The following ZC2HC1B variants were observed in gnomAD, a reference collection of about 807,000 sequenced individuals.
ZC2HC1B encodes zinc finger C2HC domain-containing protein 1B.
A neutral mutation model predicts 31.0 loss-of-function variants in ZC2HC1B; 36 were observed. That is an observed-to-expected ratio of 1.16 (90% CI 0.89 to 1.54). The LOEUF is 1.54. Ranked by LOEUF, ZC2HC1B falls within the 40% of genes most tolerant of loss-of-function variation. ZC2HC1B has a pLI of 0.00. For synonymous variants in ZC2HC1B, 73 were observed against 88.0 expected, an observed-to-expected ratio of 0.83 and a Z score of 0.95; for missense variants, 260 against 268.6, an observed-to-expected ratio of 0.97 and a Z score of 0.22.
At chr6:143,904,019 C>A (rs1446259241) in intron 6 of ZC2HC1B, among the ~76,000 whole-genome samples, 1 of 152,134 alleles carries the variant, frequency 6.6e-6, no homozygotes, top group Admixed American at 6.6e-5. Context: ...AAGGCAGAAC[C>A]ATAGGAGCCA....
rs139447180 is a variant in ZC2HC1B, at chr6:143,899,127, A to G, written c.489+436A>G. Among the ~76,000 whole-genome samples the G allele has an allele frequency of 5.4e-4, 82 of 152,304 alleles. 1 individual carries two copies. Among genetic ancestry groups the G allele is most frequent in the African/African-American group, 1.8e-3 (75 of 41,578 alleles). ...GGGTCTTCACCTTTTATTTAAAGTC[A>G]CAGAATCAGCAAGTTAAAGGGATAT... is the stretch of plus-strand genomic sequence containing the variant. On this transcript the variant is annotated intron_variant, in intron 5 of 7. Transcript: ENST00000237275. This position sits in a 1 kb window ranked among gnomAD's most constrained non-coding sequence, Gnocchi z 5.0.
In ZC2HC1B at chr6:143,937,654, G is replaced by T. The variant is rs898998008; in HGVS notation, c.604G>T (p.Ala202Ser). The change falls in exon 7 of 8, where the codon GCT becomes TCT. Residue 202 changes from alanine (A) to serine (S), a missense_variant. Physicochemically the swap from Ala to Ser is moderately conservative, Grantham distance 99. Coordinates refer to ENST00000237275, the MANE Select transcript of ZC2HC1B (RefSeq NM_001013623.3). ...TNEVPTKSGL[A>S]MDPASGAKLR... is the part of the protein sequence containing the mutation. ...ATCTGTTTATGTTTGCAAAGGATTA[G>T]CTATGGACCCTGCTTCTGGAGCAAA... 3.2e-6 allele frequency: 5 copies of T among 1,550,470 alleles called. No homozygotes were observed. Among genetic ancestry groups the T allele is most frequent in the Non-Finnish European group, 4.4e-6 (5 of 1,146,628 alleles).
At chr6:143,909,707 A>C in intron 6 of ZC2HC1B, among the ~76,000 whole-genome samples, 1 of 151,872 alleles carries the variant, frequency 6.6e-6, no homozygotes, top group East Asian at 1.9e-4. Context: ...AGGGTTGTTT[A>C]TAGTATTCTC....
At chr6:143,901,819 A>G (rs1246145692) in intron 5 of ZC2HC1B, among the ~76,000 whole-genome samples, 1 of 152,094 alleles carries the variant, frequency 6.6e-6, no homozygotes, top group Non-Finnish European at 1.5e-5. Flanking sequence ...TTGGAGGAAT[A>G]TGACTACTTT....
chr6:143,933,620 C>A lies in ZC2HC1B; in HGVS notation c.599-4029C>A, dbSNP rs1778147372. Among the ~76,000 whole-genome samples, 1 of 152,094 alleles carries A rather than the reference C, an allele frequency of 6.6e-6. No individual in the cohort carries two copies. The highest frequency in any genetic ancestry group is 2.4e-5 in the African/African-American group (1 of 41,408). The stretch of plus-strand genomic sequence containing the variant: ...CAGGGAAGTGGGCGAAAGCTGGTAG[C>A]AACAGGCCTCACCCAGCTCCCACAC... On this transcript the variant is annotated intron_variant, in intron 6 of 7. Transcript: ENST00000237275. The surrounding 1 kb of genome is among the most constrained non-coding windows in gnomAD (Gnocchi z 6.4).
intron 1 of ZC2HC1B, among the ~76,000 whole-genome samples, chr6:143,877,740 G>A (rs1369801026): frequency 6.6e-6 from 1 of 150,522 alleles, no homozygotes; most frequent in African/African-American, 2.5e-5. Flanking sequence ...TAATGAACAA[G>A]TGAGCAGTAT....
At chr6:143,926,904 G>A (rs1428250046) in intron 6 of ZC2HC1B, among the ~76,000 whole-genome samples, 11 of 127,832 alleles carry the variant, frequency 8.6e-5, no homozygotes, top group South Asian at 2.7e-4. Context: ...TCCGCTTCCC[G>A]GGTTCACGCC....
chr6:143,886,413 C>T lies in ZC2HC1B; in HGVS notation c.210+262C>T, dbSNP rs960142372. On this transcript the variant is annotated intron_variant, in intron 3 of 7. Coordinates refer to ENST00000237275, the MANE Select transcript of ZC2HC1B (RefSeq NM_001013623.3). This position sits in a 1 kb window ranked among gnomAD's most constrained non-coding sequence, Gnocchi z 4.2. ...CTAGCAATTAACCTGAGAAGAAAGT[C>T]ACTTTTAATCTACATTTGCTTTTCT... Among the ~76,000 whole-genome samples the T allele has an allele frequency of 6.6e-6, 1 of 152,144 alleles. No individual in the cohort carries two copies. The highest frequency in any genetic ancestry group is 1.5e-5 in the Non-Finnish European group (1 of 68,024).
In ZC2HC1B at chr6:143,868,209, T is replaced by C. The variant is rs1237823710; in HGVS notation, c.28+3642T>C. Among the ~76,000 whole-genome samples, 1 of 152,174 alleles carries C rather than the reference T, an allele frequency of 6.6e-6. No individual in the cohort carries two copies. Among genetic ancestry groups the C allele is most frequent in the Non-Finnish European group, 1.5e-5 (1 of 68,036 alleles). The stretch of plus-strand genomic sequence containing the variant: ...GTTCTGAAACTTCCATTTTACTGAG[T>C]CTTTTAAATCAGAAGGTGTATTAGG... On this transcript the variant is annotated intron_variant, in intron 1 of 7. Coordinates refer to ENST00000237275, the MANE Select transcript of ZC2HC1B (RefSeq NM_001013623.3). The surrounding 1 kb of genome is among the most constrained non-coding windows in gnomAD (Gnocchi z 4.2).
In ZC2HC1B at chr6:143,921,287, C is replaced by T. The variant is rs1777984286; in HGVS notation, c.599-16362C>T. ...GTAATTATTTCCACATAGCATTTAT[C>T]ACCATCTAATATTCAATATATATTT... On this transcript the variant is annotated intron_variant, in intron 6 of 7. Transcript: ENST00000237275. The surrounding 1 kb of genome is among the most constrained non-coding windows in gnomAD (Gnocchi z 6.1). Among the ~76,000 whole-genome samples, 2 of 152,208 alleles carry T rather than the reference C, an allele frequency of 1.3e-5. No individual in the cohort carries two copies. The highest frequency in any genetic ancestry group is 1.3e-4 in the Admixed American group (2 of 15,280).
chr6:143,917,722 A>G lies in ZC2HC1B; in HGVS notation c.598+14570A>G, dbSNP rs1562346487. 6.6e-6 allele frequency among the ~76,000 whole-genome samples: 1 copy of G among 152,194 alleles called. No homozygotes were observed. The highest frequency in any genetic ancestry group is 1.5e-5 in the Non-Finnish European group (1 of 68,034). ...TGTTCAACCAGTAAGTATAATGCAA[A>G]TATTCCAAAATTTAAAAAAAAATCT... On this transcript the variant is annotated intron_variant, in intron 6 of 7. Coordinates refer to ENST00000237275, the MANE Select transcript of ZC2HC1B (RefSeq NM_001013623.3). This position sits in a 1 kb window ranked among gnomAD's most constrained non-coding sequence, Gnocchi z 4.1.
rs2092715 is a variant in ZC2HC1B at position 143,869,874 on chromosome 6, C to T, written c.28+5307C>T. On this transcript the variant is annotated intron_variant, in intron 1 of 7. Coordinates refer to ENST00000237275, the MANE Select transcript of ZC2HC1B (RefSeq NM_001013623.3). This position sits in a 1 kb window ranked among gnomAD's most constrained non-coding sequence, Gnocchi z 5.2. Reference sequence around the variant, plus strand: ...ACCATGGCCACTTTGTTCATGGGCCCATTGGGCGACAACAGGGGTGGCTGG... The same window carrying T: ...ACCATGGCCACTTTGTTCATGGGCCTATTGGGCGACAACAGGGGTGGCTGG... Among the ~76,000 whole-genome samples, 19,135 of 152,174 alleles carry T rather than the reference C, an allele frequency of 0.13. 1,629 individuals carry two copies. Among genetic ancestry groups the T allele is most frequent in the East Asian group, 0.43 (2,213 of 5,158 alleles).
In ZC2HC1B at chr6:143,938,006, C is replaced by G; in HGVS notation, c.*15-136C>G. 4.2e-6 allele frequency: 1 copy of G among 240,150 alleles called. No homozygotes were observed. The highest frequency in any genetic ancestry group is 8.0e-6 in the Non-Finnish European group (1 of 124,888). 14.9% of individuals were successfully genotyped at this position (240,150 alleles called of 1,614,324 possible). A position where few individuals can be genotyped will look rare whatever the true frequency, so the allele number is the denominator to read the frequency against. ...TTTCCCTTTTTCTAAGCACCTTACC[C>G]TCACAAAGAATAGTTCCCTGAGGGT... On this transcript the variant is annotated intron_variant, in intron 7 of 7. Coordinates refer to ENST00000237275, the MANE Select transcript of ZC2HC1B (RefSeq NM_001013623.3). The surrounding 1 kb of genome is among the most constrained non-coding windows in gnomAD (Gnocchi z 4.2).
At position 143,864,577 on chromosome 6, in the gene ZC2HC1B, A is replaced by C. The variant is rs779702633; in HGVS notation, c.28+10A>C. ...GAACCATTTTTGGCAGGTGAGCTGC[A>C]CTTGATATCTAAATTATTAGAAAAT... On this transcript the variant is annotated intron_variant, in intron 1 of 7. Coordinates refer to ENST00000237275, the MANE Select transcript of ZC2HC1B (RefSeq NM_001013623.3). The C allele has an allele frequency of 2.6e-6, 4 of 1,551,592 alleles. No individual in the cohort carries two copies. The highest frequency in any genetic ancestry group is 8.7e-7 in the Non-Finnish European group (1 of 1,146,918).
chr6:143,898,839 G>T (rs2128494908), intron 5 of ZC2HC1B, 148 bp downstream of exon 5: 3 of 1,030,244 alleles, frequency 2.9e-6, no homozygotes, highest in Middle Eastern at 2.5e-4. Flanking sequence ...TGTGGGAGCT[G>T]ACTTCTTTTG....
chr6:143,877,373 C>T (rs1401891059), intron 1 of ZC2HC1B, among the ~76,000 whole-genome samples: 2 of 143,976 alleles, frequency 1.4e-5, no homozygotes, highest in Non-Finnish European at 1.5e-5. Flanking sequence ...ACCTCCACCT[C>T]CTGGGTTCAA....
Position 143,917,184 on chromosome 6 carries a change from C to T in ZC2HC1B, c.598+14032C>T, listed in dbSNP as rs767380843. ...AAAAAGAGGAGCTCCCCTGCACAAG[C>T]TCTCTGTTCTCTTGTCTGCTGCCAT... On this transcript the variant is annotated intron_variant, in intron 6 of 7. Transcript: ENST00000237275. The surrounding 1 kb of genome is among the most constrained non-coding windows in gnomAD (Gnocchi z 4.1). Among the ~76,000 whole-genome samples the T allele has an allele frequency of 6.6e-5, 10 of 152,208 alleles. No homozygotes were observed. Among genetic ancestry groups the T allele is most frequent in the Non-Finnish European group, 1.3e-4 (9 of 68,026 alleles).
Position 143,868,856 on chromosome 6 carries a change from C to T in ZC2HC1B, c.28+4289C>T, listed in dbSNP as rs1478365068. Among the ~76,000 whole-genome samples, 9 of 152,042 alleles carry T rather than the reference C, an allele frequency of 5.9e-5. No homozygotes were observed. The South Asian group carries it at 1.0e-3, about 18-fold the overall frequency. On this transcript the variant is annotated intron_variant, in intron 1 of 7. Coordinates refer to ENST00000237275, the MANE Select transcript of ZC2HC1B (RefSeq NM_001013623.3). The surrounding 1 kb of genome is among the most constrained non-coding windows in gnomAD (Gnocchi z 4.2). Reference sequence around the variant, plus strand: ...AGTTAACAATTCTTAAATGCTGATGCGAAGTCAATAAATCTTATGTCACAT... The same window carrying T: ...AGTTAACAATTCTTAAATGCTGATGTGAAGTCAATAAATCTTATGTCACAT...
At chr6:143,873,925 T>C (rs537475922) in intron 1 of ZC2HC1B, among the ~76,000 whole-genome samples, 43 of 152,382 alleles carry the variant, frequency 2.8e-4, no homozygotes, top group African/African-American at 1.0e-3. Flanking sequence ...TTGCTACTTA[T>C]GCAAATTTCT....
Sources: gnomAD v4.1 joint callset for allele counts (sites outside exome capture counted in the v4.1 genomes callset) on GRCh38, gnomAD v4.1.1 for gene constraint, Gnocchi (gnomAD v3.1) non-coding constraint, MANE v1.5 for transcripts, NCBI Gene and HGNC (gene_info 2026-07-23, HGNC 2026-07-21) for gene names.